The following MRTFA variants were observed in gnomAD, a reference collection of about 807,000 sequenced individuals.
The protein encoded by MRTFA is myocardin related transcription factor A.
MRTFA carries 20 observed loss-of-function variants against 83.5 expected under a neutral mutation model. That is an observed-to-expected ratio of 0.24 (90% CI 0.17 to 0.35). The LOEUF (loss-of-function observed/expected upper bound fraction) is 0.35. MRTFA is among the 10% of genes least tolerant of loss of function. The pLI is 1.00. For missense variants in MRTFA, 1,200 were observed against 1,224.7 expected (o/e 0.98, Z 0.30); for synonymous variants, 659 against 541.2 (o/e 1.22, Z -3.02).
chr22:40,466,587 A>G (rs1409100601), intron 3 of MRTFA, among the ~76,000 whole-genome samples: 2 of 152,226 alleles, frequency 1.3e-5, no homozygotes, highest in African/African-American at 2.4e-5. Context: ...GAGTGTTTCT[A>G]AAGCCCAGTG....
intron 3 of MRTFA, among the ~76,000 whole-genome samples, chr22:40,484,275 C>G (rs1206312813): frequency 6.6e-6 from 1 of 151,820 alleles, no homozygotes; most frequent in African/African-American, 2.4e-5. Context: ...AAGTCTGCAG[C>G]AAAATTTGTC....
intron 1 of MRTFA, among the ~76,000 whole-genome samples, chr22:40,631,129 G>A (rs989130829): frequency 2.0e-5 from 3 of 152,130 alleles, no homozygotes; most frequent in Admixed American, 6.5e-5. Flanking sequence ...AAAGCCACTG[G>A]TTCACTCTAC....
chr22:40,545,965 G>C (rs2055359951), intron 3 of MRTFA, among the ~76,000 whole-genome samples: 1 of 152,076 alleles, frequency 6.6e-6, no homozygotes, highest in African/African-American at 2.4e-5. Context: ...GACCTCAAGT[G>C]TTCCACCCAC....
rs147096691 is a variant in MRTFA at position 40,619,594 on chromosome 22, A to G, written c.-84+16884T>C. Among the ~76,000 whole-genome samples, 879 of 152,220 alleles carry G rather than the reference A, an allele frequency of 5.8e-3. 10 individuals are homozygous for G. Among genetic ancestry groups the G allele is most frequent in the African/African-American group, 0.02 (847 of 41,546 alleles). On this transcript the variant is annotated intron_variant, in intron 1 of 14. Transcript: ENST00000355630. ...GGAAAAATTAATAGGAGAAATGTTA[A>G]ACAAAAAGAAATTGGCCGGGTGCGG... is the stretch of plus-strand genomic sequence containing the variant.
At chr22:40,519,224 C>T (rs1441225796) in intron 3 of MRTFA, among the ~76,000 whole-genome samples, 1 of 151,968 alleles carries the variant, frequency 6.6e-6, no homozygotes, top group African/African-American at 2.4e-5. Context: ...GAAAACTACC[C>T]CTGAGTTTAG....
intron 2 of MRTFA, among the ~76,000 whole-genome samples, chr22:40,575,975 T>C (rs1473455233): frequency 2.6e-5 from 4 of 152,066 alleles, no homozygotes; most frequent in Non-Finnish European, 4.4e-5. Context: ...CAACTGATAT[T>C]TTTGTAGTAT....
At chr22:40,551,710 C>T (rs2055446834) in intron 3 of MRTFA, among the ~76,000 whole-genome samples, 1 of 152,144 alleles carries the variant, frequency 6.6e-6, no homozygotes, top group Admixed American at 6.5e-5. Flanking sequence ...AAGGCAATCA[C>T]TGAAAACTTT....
intron 4 of MRTFA, among the ~76,000 whole-genome samples, chr22:40,440,951 T>G (rs2147110354): frequency 6.6e-6 from 1 of 152,314 alleles, no homozygotes; most frequent in African/African-American, 2.4e-5. Context: ...GCATTCATCT[T>G]AGACTCCATC....
At chr22:40,565,988 T>C (rs1184166756) in intron 2 of MRTFA, among the ~76,000 whole-genome samples, 1 of 152,174 alleles carries the variant, frequency 6.6e-6, no homozygotes, top group Non-Finnish European at 1.5e-5. Flanking sequence ...TCCTGGGCAG[T>C]GAAGCTTCAG....
At chr22:40,415,920 C>T (rs2052670275) in intron 14 of MRTFA, among the ~76,000 whole-genome samples, 1 of 152,100 alleles carries the variant, frequency 6.6e-6, no homozygotes, top group Non-Finnish European at 1.5e-5. Context: ...CAAGGCTGGG[C>T]TTAGCCCCAA....
intron 1 of MRTFA, among the ~76,000 whole-genome samples, chr22:40,600,596 C>A (rs1047881223): frequency 6.6e-6 from 1 of 152,174 alleles, no homozygotes; most frequent in Non-Finnish European, 1.5e-5. Context: ...CCTATGTAGC[C>A]TGCTGGTCAA....
chr22:40,439,380 C>T (rs2053230926), intron 4 of MRTFA, among the ~76,000 whole-genome samples: 1 of 151,896 alleles, frequency 6.6e-6, no homozygotes, highest in Admixed American at 6.6e-5. Flanking sequence ...TGGCAGGCAC[C>T]TGTAATCCCA....
chr22:40,435,435 C>T (rs2053149418), intron 5 of MRTFA, 64 bp downstream of exon 5: 1 of 1,510,336 alleles, frequency 6.6e-7, no homozygotes, highest in African/African-American at 1.4e-5. Context: ...GAAATATAAC[C>T]AGCAATGCAA....
chr22:40,592,121 T>C (rs2056128529), intron 2 of MRTFA, among the ~76,000 whole-genome samples: 1 of 151,992 alleles, frequency 6.6e-6, no homozygotes, highest in African/African-American at 2.4e-5. Flanking sequence ...AAATCAAATT[T>C]ATAATTGTTT....
intron 3 of MRTFA, among the ~76,000 whole-genome samples, chr22:40,500,406 T>C (rs1272961725): frequency 6.7e-6 from 1 of 149,860 alleles, no homozygotes; most frequent in Non-Finnish European, 1.5e-5. Flanking sequence ...TTTTAATTTA[T>C]TTTTTTATTG....
At chr22:40,636,135 C>T (rs1015939075) in intron 1 of MRTFA, among the ~76,000 whole-genome samples, 1 of 152,222 alleles carries the variant, frequency 6.6e-6, no homozygotes, top group African/African-American at 2.4e-5. Context: ...GCGGCCGACA[C>T]CCCGTCCCTG....
chr22:40,595,065 G>A (rs1310041698), intron 1 of MRTFA, among the ~76,000 whole-genome samples: 2 of 149,462 alleles, frequency 1.3e-5, no homozygotes, highest in Non-Finnish European at 3.0e-5. Context: ...ATATCCAAAT[G>A]ACAATTGTCC....
At chr22:40,630,122 G>A (rs1373242883) in intron 1 of MRTFA, among the ~76,000 whole-genome samples, 1 of 151,912 alleles carries the variant, frequency 6.6e-6, no homozygotes, top group Non-Finnish European at 1.5e-5. Flanking sequence ...AGACCAGCCT[G>A]GCCAACATAT....
chr22:40,466,929 T>C (rs1329000844), intron 3 of MRTFA, among the ~76,000 whole-genome samples: 1 of 151,522 alleles, frequency 6.6e-6, no homozygotes, highest in Non-Finnish European at 1.5e-5. Context: ...TCAGCTTATA[T>C]ATACATACAC....
Sources: gnomAD v4.1 joint callset for allele counts (sites outside exome capture counted in the v4.1 genomes callset) on GRCh38, gnomAD v4.1.1 for gene constraint, MANE v1.5 for transcripts, NCBI Gene and HGNC (gene_info 2026-07-23, HGNC 2026-07-21) for gene names.